SUPT3H: variants seen among roughly 807,000 people sequenced by gnomAD.
The protein encoded by SUPT3H is SPT3 homolog, SAGA and STAGA complex component.
Under a neutral mutation model 44.3 loss-of-function variants are expected in SUPT3H, and 44 were observed. That is an observed-to-expected ratio of 0.99 (90% CI 0.78 to 1.28). The LOEUF is 1.28. SUPT3H is among the 50% of genes most tolerant of loss of function. The pLI, the probability that SUPT3H is intolerant of heterozygous loss-of-function variation, is 0.00. For missense variants in SUPT3H, 380 were observed against 387.1 expected (o/e 0.98, Z 0.15); for synonymous variants, 124 against 125.6 (o/e 0.99, Z 0.09).
intron 2 of SUPT3H, among the ~76,000 whole-genome samples, chr6:45,360,835 C>T (rs1794126231): frequency 6.6e-6 from 1 of 152,190 alleles, no homozygotes; most frequent in African/African-American, 2.4e-5. Flanking sequence ...GTAGCTTATC[C>T]TCAGAAGAGT....
At chr6:44,979,762 C>T (rs1415600855) in intron 6 of SUPT3H, among the ~76,000 whole-genome samples, 1 of 152,032 alleles carries the variant, frequency 6.6e-6, no homozygotes, top group African/African-American at 2.4e-5. Flanking sequence ...TTCATTGGCA[C>T]AAATTAGAAA....
At chr6:45,071,919 T>C (rs1437651495) in intron 3 of SUPT3H, among the ~76,000 whole-genome samples, 8 of 152,210 alleles carry the variant, frequency 5.3e-5, no homozygotes, top group Admixed American at 5.2e-4. Flanking sequence ...GAGCCAGCTC[T>C]TTGAGGAGGG....
At chr6:45,317,989 A>T (rs568587084) in intron 2 of SUPT3H, among the ~76,000 whole-genome samples, 1 of 152,246 alleles carries the variant, frequency 6.6e-6, no homozygotes, top group Admixed American at 6.5e-5. Context: ...CAAAAAAACA[A>T]GTAACACAAT....
chr6:45,105,606 C>T (rs1464204073), intron 3 of SUPT3H, among the ~76,000 whole-genome samples: 1 of 152,096 alleles, frequency 6.6e-6, no homozygotes, highest in African/African-American at 2.4e-5. Flanking sequence ...ACAACCATCT[C>T]AGCCTTCAGT....
chr6:45,118,806 G>A (rs1801194373), intron 2 of SUPT3H, among the ~76,000 whole-genome samples: 1 of 152,080 alleles, frequency 6.6e-6, no homozygotes, highest in Non-Finnish European at 1.5e-5. Flanking sequence ...GTAACTTTAA[G>A]TAGCCCTGCA....
At chr6:45,176,384 A>C (rs1229224765) in intron 2 of SUPT3H, among the ~76,000 whole-genome samples, 2 of 152,068 alleles carry the variant, frequency 1.3e-5, no homozygotes, top group East Asian at 3.9e-4. Flanking sequence ...AAAAGCGGCG[A>C]ACCATGAGAT....
chr6:45,219,048 A>G (rs1765560861), intron 2 of SUPT3H, among the ~76,000 whole-genome samples: 1 of 152,178 alleles, frequency 6.6e-6, no homozygotes, highest in Admixed American at 6.5e-5. Flanking sequence ...TAAAACTCAT[A>G]AAACTGAATG....
intron 6 of SUPT3H, among the ~76,000 whole-genome samples, chr6:44,998,500 C>T (rs1336752960): frequency 1.3e-5 from 2 of 151,636 alleles, no homozygotes; most frequent in East Asian, 1.9e-4. Flanking sequence ...TTTTAAATGG[C>T]AAAATGATAA....
chr6:45,131,947 A>G lies in SUPT3H; in HGVS notation c.102-25941T>C, dbSNP rs149161961. Among the ~76,000 whole-genome samples, 345 of 152,316 alleles carry G rather than the reference A, an allele frequency of 2.3e-3. 1 individual carries two copies. The highest frequency in any genetic ancestry group is 0.02 in the Middle Eastern group (6 of 294). ...GAAACTGGGTAGTACGGAATCCTAA[A>G]CATACATTGTTTTTCCTATAAATAC... On this transcript the variant is annotated intron_variant, in intron 2 of 10. Transcript: ENST00000371459.
At chr6:44,934,476 AAC>A (rs1771097486) in intron 9 of SUPT3H, among the ~76,000 whole-genome samples, 1 of 152,200 alleles carries the variant, frequency 6.6e-6, no homozygotes, top group African/African-American at 2.4e-5. Context: ...TATTATATGA[AAC>A]ACTGATCAAA....
chr6:45,026,985 C>CTTTTTTT (rs34588777), intron 3 of SUPT3H, among the ~76,000 whole-genome samples: 1 of 87,510 alleles, frequency 1.1e-5, no homozygotes, highest in Non-Finnish European at 2.1e-5. Context: ...GCTTTGGATC[C>CTTTTTTT]TTTTTTTTTT....
chr6:44,847,770 G>A (rs1378879286), intron 10 of SUPT3H, among the ~76,000 whole-genome samples: 1 of 152,002 alleles, frequency 6.6e-6, no homozygotes, highest in Non-Finnish European at 1.5e-5. Context: ...TTACAGGCGT[G>A]AGCCACCACA....
chr6:44,963,076 C>T (rs2153478535), intron 6 of SUPT3H, among the ~76,000 whole-genome samples: 1 of 151,160 alleles, frequency 6.6e-6, no homozygotes, highest in Admixed American at 6.6e-5. Flanking sequence ...TATATATATA[C>T]ACATATAAAG....
In SUPT3H at chr6:44,948,971, C is replaced by T. The variant is rs532575394; in HGVS notation, c.801+4339G>A. ...GTTTATTGTGGCACTATTCTCAATA[C>T]CTAAGACTTGGAACCAACCCAAATG... On this transcript the variant is annotated intron_variant, in intron 9 of 10. Transcript: ENST00000371459. 7.8e-4 allele frequency among the ~76,000 whole-genome samples: 118 copies of T among 152,208 alleles called. 1 individual carries two copies. The highest frequency in any genetic ancestry group is 3.4e-3 in the Middle Eastern group (1 of 294).
Position 45,301,436 on chromosome 6 carries a change from C to T in SUPT3H, c.101+63765G>A, listed in dbSNP as rs1220176672. ...AGCCCTTTAAGTTTTTCCCCTTATT[C>T]TTTTTAGTTTAGGGTTTTTCTCTTA... On this transcript the variant is annotated intron_variant, in intron 2 of 10. Transcript: ENST00000371459. Among the ~76,000 whole-genome samples, 7 of 151,878 alleles carry T rather than the reference C, an allele frequency of 4.6e-5. No individual in the cohort carries two copies. In the East Asian group the frequency reaches 1.4e-3, roughly 29 times the overall value.
intron 3 of SUPT3H, among the ~76,000 whole-genome samples, chr6:45,092,213 A>C (rs1757573053): frequency 6.6e-6 from 1 of 152,132 alleles, no homozygotes; most frequent in Non-Finnish European, 1.5e-5. Flanking sequence ...CTGCAAAAAA[A>C]ACCCAAAAAA....
intron 10 of SUPT3H, among the ~76,000 whole-genome samples, chr6:44,887,809 A>T: frequency 6.6e-6 from 1 of 151,898 alleles, no homozygotes. Flanking sequence ...AAAACCCTTC[A>T]AAAAATTAAT....
intron 2 of SUPT3H, among the ~76,000 whole-genome samples, chr6:45,230,479 A>G (rs536718977): frequency 6.6e-6 from 1 of 151,154 alleles, no homozygotes; most frequent in Non-Finnish European, 1.5e-5. Context: ...TATAATGACC[A>G]TCTTTGTCTT....
intron 10 of SUPT3H, among the ~76,000 whole-genome samples, chr6:44,909,124 GGTGTGTGTGTGTGTGTGC>G (rs1400953995): frequency 2.6e-5 from 3 of 117,056 alleles, no homozygotes; most frequent in African/African-American, 9.6e-5. Context: ...ATACCTAAGA[GGTGTGTGTGTGTGTGTGC>G]GTGTGTGTGT....
Sources: allele counts gnomAD v4.1 joint callset (sites outside exome capture counted in the v4.1 genomes callset), GRCh38; gene constraint gnomAD v4.1.1; transcripts MANE v1.5; gene names NCBI Gene and HGNC (gene_info 2026-07-23, HGNC 2026-07-21).